The following TMEM169 variants were observed in gnomAD, a reference collection of about 807,000 sequenced individuals.
TMEM169 encodes the protein transmembrane protein 169.
TMEM169 carries 18 observed loss-of-function variants against 27.3 expected under a neutral mutation model. That is an observed-to-expected ratio of 0.66 (90% CI 0.46 to 0.98). The LOEUF is 0.98. Ranked by LOEUF, TMEM169 falls within the 50% of genes least tolerant of loss-of-function variation. The pLI is 0.00. For missense variants in TMEM169, 320 were observed against 368.6 expected, an observed-to-expected ratio of 0.87 and a Z score of 1.08; for synonymous variants, 136 against 142.1, an observed-to-expected ratio of 0.96 and a Z score of 0.30.
Position 216,102,371 on chromosome 2 carries a change from TA to T in TMEM169, c.*1840del, listed in dbSNP as rs368968409. 4,997 of 147,834 alleles carry T rather than the reference TA, an allele frequency of 0.034. 309 individuals are homozygous for T. The highest frequency in any genetic ancestry group is 0.12 in the African/African-American group (4,695 of 40,536). The allele number at this position is 147,834 out of a possible 1,614,324, so 9.2% of individuals were successfully genotyped here. On this transcript the variant is annotated 3_prime_UTR_variant, in exon 3 of 3. Transcript: ENST00000437356. ...AATACAGATTAACAGACTCTGAACT[TA>T]AAAAAAAAAATCACTCCTAAGGGTG...
intron 1 of TMEM169, among the ~76,000 whole-genome samples, chr2:216,084,799 A>G (rs1365080496): frequency 1.3e-5 from 2 of 152,142 alleles, no homozygotes; most frequent in Admixed American, 1.3e-4. Context: ...GACCTCAAGC[A>G]TTTGGAAGCA....
rs1448293554 is a variant in TMEM169, at chr2:216,096,009, C to A, written c.46C>A (p.Pro16Thr). ...AVEGQVQLPSPHQGSLRKAVA... is the reference protein window; with the variant it reads ...AVEGQVQLPSTHQGSLRKAVA... ...AGAAGGCCAGGTCCAGCTTCCAAGC[C>A]CCCACCAGGGCTCTCTCAGGAAGGC... The change falls in exon 2 of 3, where the codon CCC becomes ACC. Residue 16 changes from proline to threonine, a missense_variant. Pro to Thr is a conservative substitution (Grantham distance 38). Coordinates refer to ENST00000437356, the MANE Select transcript of TMEM169 (RefSeq NM_001142311.2). 2 of 1,613,996 alleles carry A rather than the reference C, an allele frequency of 1.2e-6. No individual in the cohort carries two copies. Among genetic ancestry groups the A allele is most frequent in the African/African-American group, 2.7e-5 (2 of 74,910 alleles).
chr2:216,083,658 G>C (rs932486430), intron 1 of TMEM169, among the ~76,000 whole-genome samples: 5 of 152,096 alleles, frequency 3.3e-5, no homozygotes, highest in Non-Finnish European at 7.4e-5. Context: ...CTGCAAACCG[G>C]TTATGCCTAC....
chr2:216,091,556 CAAAAAAAAA>C, intron 1 of TMEM169, among the ~76,000 whole-genome samples: 2 of 80,336 alleles, frequency 2.5e-5, no homozygotes, highest in South Asian at 4.0e-4. Flanking sequence ...GACTCCATCT[CAAAAAAAAA>C]AAAAAAAAAA....
intron 1 of TMEM169, among the ~76,000 whole-genome samples, chr2:216,089,668 G>A (rs780949701): frequency 6.6e-5 from 10 of 152,208 alleles, no homozygotes; most frequent in Middle Eastern, 3.4e-3. Flanking sequence ...TGGCCAGGCT[G>A]GTCTTGAATT....
At chr2:216,097,852 C>G (rs951236399) in intron 2 of TMEM169, among the ~76,000 whole-genome samples, 11 of 152,032 alleles carry the variant, frequency 7.2e-5, no homozygotes, top group African/African-American at 2.7e-4. Flanking sequence ...GGAGAGACTG[C>G]ATGGTTGTGA....
rs1034815519 is a variant in TMEM169 at position 216,099,757 on chromosome 2, G to A, written c.272-163G>A. Among the ~76,000 whole-genome samples, 5 of 152,060 alleles carry A rather than the reference G, an allele frequency of 3.3e-5. No homozygotes were observed. Among genetic ancestry groups the A allele is most frequent in the African/African-American group, 9.7e-5 (4 of 41,398 alleles). ...CAATAACACCAGTGGTCACTCTCCC[G>A]AGGGAGACCCACTCAGTCCGCCATT... On this transcript the variant is annotated intron_variant, in intron 2 of 2. Coordinates refer to ENST00000437356, the MANE Select transcript of TMEM169 (RefSeq NM_001142311.2). The surrounding 1 kb of genome is among the most constrained non-coding windows in gnomAD (Gnocchi z 5.0).
chr2:216,096,077 G>A lies in TMEM169; in HGVS notation c.114G>A (p.Gly38=), dbSNP rs764035630. Residue 38 remains glycine, a synonymous_variant, in exon 2 of 3, where the codon GGG becomes GGA. Coordinates refer to ENST00000437356, the MANE Select transcript of TMEM169 (RefSeq NM_001142311.2). ...CGCTGGATGGGGAATCCACAATGGGGCACAGGAAAAAGAAGAGGAAAGAGT... is the reference window on the plus strand; with the variant it reads ...CGCTGGATGGGGAATCCACAATGGGACACAGGAAAAAGAAGAGGAAAGAGT... ...ALALDGESTM[G]HRKKKRKESR... The A allele has an allele frequency of 6.2e-7, 1 of 1,614,186 alleles. No individual in the cohort carries two copies.
chr2:216,090,658 C>T (rs1415427851), intron 1 of TMEM169, among the ~76,000 whole-genome samples: 1 of 152,156 alleles, frequency 6.6e-6, no homozygotes, highest in Non-Finnish European at 1.5e-5. Flanking sequence ...ACTTTTGGAC[C>T]TCCAAATTCT....
rs1696249135 is a variant in TMEM169, at chr2:216,095,829, A to G, written c.-126-9A>G. ...TTCCTGTTGATGGCTTTGCTTTCCT[A>G]TCTTTCAGGTGGAATGCATCCTTGG... On this transcript the variant is annotated splice_polypyrimidine_tract_variant and intron_variant, in intron 1 of 2. Transcript: ENST00000437356. The G allele has an allele frequency of 4.7e-6, 5 of 1,067,840 alleles. No individual in the cohort carries two copies. Among genetic ancestry groups the G allele is most frequent in the Admixed American group, 2.8e-5 (1 of 35,296 alleles). 66.1% of individuals were successfully genotyped at this position (1,067,840 alleles called of 1,614,324 possible).
intron 1 of TMEM169, among the ~76,000 whole-genome samples, chr2:216,086,710 G>A (rs1339333716): frequency 6.6e-6 from 1 of 152,186 alleles, no homozygotes; most frequent in East Asian, 1.9e-4. Context: ...TACATGTCCA[G>A]CCCTGGGGTT....
At position 216,100,304 on chromosome 2, in the gene TMEM169, T is replaced by C. The variant is rs1027343499; in HGVS notation, c.656T>C (p.Met219Thr). Residue 219 changes from methionine to threonine, a missense_variant, in exon 3 of 3, where the codon ATG (methionine) becomes ACG (threonine). By Grantham distance (81) the Met-to-Thr change is moderately conservative (BLOSUM62 -1). Coordinates refer to ENST00000437356, the MANE Select transcript of TMEM169 (RefSeq NM_001142311.2). ...GTTCTCTTCTATCCAGTGCTCATCA[T>C]GGCCATGGCTTCTTCCCTCGGCCTC... The part of the protein sequence containing the change: ...CLVLFYPVLI[M>T]AMASSLGLYA... 6 of 1,614,026 alleles carry C rather than the reference T, an allele frequency of 3.7e-6. No individual in the cohort carries two copies. The highest frequency in any genetic ancestry group is 1.7e-6 in the Non-Finnish European group (2 of 1,180,024).
Position 216,100,289 on chromosome 2 carries a change from A to G in TMEM169, c.641A>G (p.Tyr214Cys), listed in dbSNP as rs1696363353. ...ISYCPCLVLF[Y>C]PVLIMAMASS... is the part of the protein sequence containing the mutation. The stretch of plus-strand genomic sequence containing the variant: ...TATTGCCCTTGCCTCGTTCTCTTCT[A>G]TCCAGTGCTCATCATGGCCATGGCT... The change falls in exon 3 of 3, where the codon TAT (tyrosine) becomes TGT (cysteine). Residue 214 changes from tyrosine (Y) to cysteine (C), a missense_variant. Transcript: ENST00000437356. 6.2e-7 allele frequency: 1 copy of G among 1,613,532 alleles called. No individual in the cohort carries two copies. The highest frequency in any genetic ancestry group is 1.3e-5 in the African/African-American group (1 of 74,720).
At chr2:216,089,313 C>T (rs1470847644) in intron 1 of TMEM169, among the ~76,000 whole-genome samples, 6 of 152,046 alleles carry the variant, frequency 3.9e-5, no homozygotes, top group Non-Finnish European at 1.5e-5. Context: ...TGTTTCTCAC[C>T]AAAATGAGTG....
chr2:216,092,836 C>T (rs879276507), intron 1 of TMEM169, among the ~76,000 whole-genome samples: 1 of 152,108 alleles, frequency 6.6e-6, no homozygotes, highest in African/African-American at 2.4e-5. Context: ...TAGGAAAACA[C>T]GGTGGATTAG....
At chr2:216,095,620 G>T (rs1696245215) in intron 1 of TMEM169, among the ~76,000 whole-genome samples, 1 of 152,170 alleles carries the variant, frequency 6.6e-6, no homozygotes, top group Non-Finnish European at 1.5e-5. Flanking sequence ...CATGGGTTTT[G>T]CCAAATATTA....
At chr2:216,096,642 G>A (rs1295034328) in intron 2 of TMEM169, among the ~76,000 whole-genome samples, 2 of 152,176 alleles carry the variant, frequency 1.3e-5, no homozygotes, top group African/African-American at 4.8e-5. Flanking sequence ...TGGGATTATA[G>A]GCATGAGCCA....
Position 216,100,446 on chromosome 2 carries a change from T to C in TMEM169, c.798T>C (p.Ser266=), listed in dbSNP as rs1574440487. Residue 266 remains serine, a synonymous_variant, in exon 3 of 3, where the codon TCT becomes TCC. Transcript: ENST00000437356. ...GCAAGCTGGGTCTGGAGGACTGTTC[T>C]CCCTACAGCATTGTGGAGTTGCTTG... ...LCSKLGLEDC[S]PYSIVELLES... The C allele has an allele frequency of 3.1e-6, 5 of 1,613,960 alleles. No individual in the cohort carries two copies. The highest frequency in any genetic ancestry group is 2.7e-5 in the African/African-American group (2 of 74,954).
At chr2:216,090,399 G>C (rs1469353016) in intron 1 of TMEM169, among the ~76,000 whole-genome samples, 1 of 152,184 alleles carries the variant, frequency 6.6e-6, no homozygotes, top group African/African-American at 2.4e-5. Context: ...GATGGCCCAT[G>C]GAGAGGCCCA....
Sources: allele counts gnomAD v4.1 joint callset (sites outside exome capture counted in the v4.1 genomes callset), GRCh38; gene constraint gnomAD v4.1.1; non-coding constraint Gnocchi (gnomAD v3.1); transcripts MANE v1.5; gene names NCBI Gene and HGNC (gene_info 2026-07-23, HGNC 2026-07-21).